The following ADAMTSL1 variants were observed in gnomAD, a reference collection of about 807,000 sequenced individuals.
The protein encoded by ADAMTSL1 is ADAMTS like 1, also known as ADAMTS-like protein 1.
Under a neutral mutation model 201.8 loss-of-function variants are expected in ADAMTSL1, and 126 were observed. The observed-to-expected ratio is 0.62, with a 90% CI of 0.54 to 0.72. The LOEUF (loss-of-function observed/expected upper bound fraction) is 0.72, where lower values mean the gene tolerates loss of function less well. ADAMTSL1 is among the 30% of genes least tolerant of loss of function. ADAMTSL1 has a pLI of 0.00. For missense variants in ADAMTSL1, 2,679 were observed against 2,277.8 expected (o/e 1.18, Z -3.59); for synonymous variants, 1,121 against 903.4 (o/e 1.24, Z -4.32).
intron 1 of ADAMTSL1, among the ~76,000 whole-genome samples, chr9:18,119,121 A>G (rs941859385): frequency 2.6e-5 from 4 of 152,122 alleles, no homozygotes; most frequent in African/African-American, 9.7e-5. Context: ...ATTTGTGAGA[A>G]CGGTATGAAC....
At chr9:18,840,261 CA>C (rs1825627778) in intron 23 of ADAMTSL1, among the ~76,000 whole-genome samples, 1 of 152,028 alleles carries the variant, frequency 6.6e-6, no homozygotes, top group Non-Finnish European at 1.5e-5. Flanking sequence ...TATGGCTAGC[CA>C]GTTTTCCCAG....
At chr9:18,085,126 C>T (rs1184343934) in intron 1 of ADAMTSL1, among the ~76,000 whole-genome samples, 2 of 152,022 alleles carry the variant, frequency 1.3e-5, no homozygotes, top group African/African-American at 4.8e-5. Context: ...GTGGACTGAA[C>T]ATGGAAATTA....
chr9:18,072,265 A>C (rs910085267), intron 1 of ADAMTSL1, among the ~76,000 whole-genome samples: 1 of 152,164 alleles, frequency 6.6e-6, no homozygotes, highest in Non-Finnish European at 1.5e-5. Flanking sequence ...TACCACTGTT[A>C]TGCGAAACAT....
At chr9:18,851,184 C>G (rs554033862) in intron 23 of ADAMTSL1, among the ~76,000 whole-genome samples, 2 of 152,130 alleles carry the variant, frequency 1.3e-5, no homozygotes, top group East Asian at 3.9e-4. Flanking sequence ...ATGCCAAGCT[C>G]TCGATGGGAG....
intron 4 of ADAMTSL1, among the ~76,000 whole-genome samples, chr9:18,601,672 A>T (rs1824666197): frequency 1.3e-5 from 2 of 152,116 alleles, no homozygotes; most frequent in African/African-American, 4.8e-5. Flanking sequence ...GGTCTATATG[A>T]AAGGTGATTT....
chr9:18,327,108 C>G (rs761119003), intron 2 of ADAMTSL1, among the ~76,000 whole-genome samples: 1 of 152,180 alleles, frequency 6.6e-6, no homozygotes, highest in Non-Finnish European at 1.5e-5. Flanking sequence ...TACTGGTACT[C>G]TCCTTTTGAG....
At chr9:18,885,396 T>C (rs981509420) in intron 23 of ADAMTSL1, among the ~76,000 whole-genome samples, 7 of 152,252 alleles carry the variant, frequency 4.6e-5, no homozygotes, top group Non-Finnish European at 8.8e-5. Context: ...ATCTGAACCA[T>C]AGTAGCCTCC....
chr9:18,870,372 G>A (rs1488013748), intron 23 of ADAMTSL1, among the ~76,000 whole-genome samples: 1 of 152,048 alleles, frequency 6.6e-6, no homozygotes, highest in African/African-American at 2.4e-5. Context: ...TTTATTTTTG[G>A]TCTAACAGGC....
chr9:18,119,267 G>T (rs1366556734), intron 1 of ADAMTSL1, among the ~76,000 whole-genome samples: 1 of 151,926 alleles, frequency 6.6e-6, no homozygotes, highest in African/African-American at 2.4e-5. Context: ...TATGAATTAG[G>T]TCTTCCCTTC....
At chr9:18,747,310 A>C (rs181791184) in intron 15 of ADAMTSL1, among the ~76,000 whole-genome samples, 14 of 152,180 alleles carry the variant, frequency 9.2e-5, no homozygotes, top group Non-Finnish European at 1.8e-4. Context: ...ACTAGTAAAT[A>C]AGTCAATATA....
intron 23 of ADAMTSL1, among the ~76,000 whole-genome samples, chr9:18,870,148 C>T (rs1023390728): frequency 1.3e-5 from 2 of 152,106 alleles, no homozygotes; most frequent in African/African-American, 4.8e-5. Flanking sequence ...TTTTCATGTC[C>T]TTAAACATAT....
exon 2 of ADAMTSL1, chr9:18,163,948 T>A (rs1367058605): frequency 6.6e-6 from 1 of 152,052 alleles, no homozygotes; most frequent in Non-Finnish European, 1.5e-5. Flanking sequence ...ATTTCCTGTC[T>A]GACCTCTTGA....
intron 15 of ADAMTSL1, among the ~76,000 whole-genome samples, 171 bp downstream of exon 15, chr9:18,721,836 G>T (rs967222209): frequency 2.0e-5 from 3 of 152,230 alleles, no homozygotes; most frequent in Non-Finnish European, 2.9e-5. Context: ...CCAGGGCTTT[G>T]GAATTCTAGC....
intron 2 of ADAMTSL1, among the ~76,000 whole-genome samples, chr9:18,518,720 A>C (rs748043590): frequency 2.6e-5 from 4 of 151,516 alleles, no homozygotes; most frequent in Non-Finnish European, 4.4e-5. Context: ...TTTTCTTTTT[A>C]TTTTTTGAGA....
rs142937752 is a variant in ADAMTSL1, at chr9:18,660,853, G to T, written c.947-1082G>T. Among the ~76,000 whole-genome samples, 410 of 151,932 alleles carry T rather than the reference G, an allele frequency of 2.7e-3. 2 individuals carry two copies. Among genetic ancestry groups the T allele is most frequent in the African/African-American group, 9.5e-3 (395 of 41,434 alleles). ...AATGAACAATTAATTTCTGTGGGTGGTCTGAGAACACAGCCTTAAGCCAGG... is the reference window on the plus strand; with the variant it reads ...AATGAACAATTAATTTCTGTGGGTGTTCTGAGAACACAGCCTTAAGCCAGG... On this transcript the variant is annotated intron_variant, in intron 8 of 28. Transcript: ENST00000380548.
At chr9:18,802,513 T>C (rs1822865735) in intron 20 of ADAMTSL1, among the ~76,000 whole-genome samples, 1 of 152,214 alleles carries the variant, frequency 6.6e-6, no homozygotes, top group Admixed American at 6.5e-5. Context: ...GCATAAAGTT[T>C]TCAAGATTTA....
chr9:18,078,704 G>T (rs1410309160), intron 1 of ADAMTSL1, among the ~76,000 whole-genome samples: 1 of 152,054 alleles, frequency 6.6e-6, no homozygotes, highest in Middle Eastern at 3.2e-3. Context: ...GGCATATTCT[G>T]TTTCTCTGGT....
chr9:18,401,998 G>A (rs1279113081), intron 2 of ADAMTSL1, among the ~76,000 whole-genome samples: 1 of 152,132 alleles, frequency 6.6e-6, no homozygotes, highest in African/African-American at 2.4e-5. Flanking sequence ...CTATGGGAAG[G>A]AAAGCAGATT....
At chr9:18,093,803 G>T (rs761190309) in intron 1 of ADAMTSL1, among the ~76,000 whole-genome samples, 2 of 152,190 alleles carry the variant, frequency 1.3e-5, no homozygotes, top group Non-Finnish European at 2.9e-5. Context: ...ATCACACAAA[G>T]CTTCTTGGAA....
Sources: gnomAD v4.1 joint callset for allele counts (sites outside exome capture counted in the v4.1 genomes callset) on GRCh38, gnomAD v4.1.1 for gene constraint, MANE v1.5 for transcripts, NCBI Gene and HGNC (gene_info 2026-07-23, HGNC 2026-07-21) for gene names.